Variants in DCC observed in about 807,000 individuals in gnomAD.
DCC encodes netrin receptor DCC.
In DCC, 58 loss-of-function variants were observed where a neutral mutation model predicts 172.5. The observed-to-expected ratio is 0.34, with a 90% CI of 0.27 to 0.42. The LOEUF (loss-of-function observed/expected upper bound fraction) is 0.42. DCC is among the 10% of genes least tolerant of loss of function. DCC has a pLI of 1.00. For missense variants in DCC, 1,740 were observed against 1,791.0 expected (o/e 0.97, Z 0.51); for synonymous variants, 709 against 644.5 (o/e 1.10, Z -1.52).
At chr18:53,351,786 C>G (rs1305572785) in intron 15 of DCC, among the ~76,000 whole-genome samples, 2 of 151,700 alleles carry the variant, frequency 1.3e-5, no homozygotes, top group African/African-American at 2.4e-5. Flanking sequence ...TAATTCCTCA[C>G]GTCAGTGTTT....
intron 3 of DCC, among the ~76,000 whole-genome samples, chr18:52,920,495 C>A (rs753436550): frequency 4.1e-4 from 62 of 151,618 alleles, no homozygotes; most frequent in South Asian, 8.3e-4. Context: ...TATTATATAC[C>A]ATTACACGTG....
intron 7 of DCC, among the ~76,000 whole-genome samples, chr18:53,152,083 A>G (rs2054650903): frequency 6.6e-6 from 1 of 152,196 alleles, no homozygotes; most frequent in Admixed American, 6.5e-5. Context: ...ATCTAGTTAC[A>G]TATTATTTTT....
At chr18:52,697,099 T>C (rs1439446475) in intron 1 of DCC, among the ~76,000 whole-genome samples, 1 of 152,166 alleles carries the variant, frequency 6.6e-6, no homozygotes, top group East Asian at 1.9e-4. Context: ...AAAACAGAGA[T>C]TTTTCTTTAC....
intron 12 of DCC, among the ~76,000 whole-genome samples, chr18:53,248,810 C>G (rs556207021): frequency 8.5e-5 from 13 of 152,112 alleles, no homozygotes; most frequent in African/African-American, 3.1e-4. Flanking sequence ...TATTATCCCC[C>G]AAGGATTGAC....
At chr18:53,353,281 A>G (rs917418566) in intron 15 of DCC, among the ~76,000 whole-genome samples, 3 of 137,848 alleles carry the variant, frequency 2.2e-5, no homozygotes, top group Non-Finnish European at 4.8e-5. Context: ...CTTGAGAGGA[A>G]AAAAAAAAAA....
intron 1 of DCC, among the ~76,000 whole-genome samples, chr18:52,646,308 T>C (rs1256519828): frequency 6.6e-6 from 1 of 152,218 alleles, no homozygotes; most frequent in Admixed American, 6.5e-5. Flanking sequence ...AAAAACATGC[T>C]TACAAGAGAA....
chr18:53,019,949 G>GAAAATGA (rs1419306172), intron 5 of DCC, among the ~76,000 whole-genome samples: 1 of 151,892 alleles, frequency 6.6e-6, no homozygotes, highest in African/African-American at 2.4e-5. Context: ...AGAGAAAATG[G>GAAAATGA]CATTTCCTGG....
At chr18:52,700,274 A>T (rs937118634) in intron 1 of DCC, among the ~76,000 whole-genome samples, 7 of 82,322 alleles carry the variant, frequency 8.5e-5, no homozygotes, top group African/African-American at 3.5e-4. Context: ...ACTCTTGTGC[A>T]CACATGCACA....
chr18:52,511,512 G>C (rs1160571588), intron 1 of DCC, among the ~76,000 whole-genome samples: 1 of 152,084 alleles, frequency 6.6e-6, no homozygotes, highest in Non-Finnish European at 1.5e-5. Context: ...TACTCCCCAG[G>C]GACAGTTGGC....
chr18:53,236,182 G>C (rs2056200237), intron 12 of DCC, among the ~76,000 whole-genome samples: 1 of 152,060 alleles, frequency 6.6e-6, no homozygotes, highest in South Asian at 2.1e-4. Context: ...ATAACATTTT[G>C]TATTCGCAAC....
intron 1 of DCC, among the ~76,000 whole-genome samples, chr18:52,668,342 A>G (rs1264860403): frequency 6.6e-6 from 1 of 152,246 alleles, no homozygotes; most frequent in Non-Finnish European, 1.5e-5. Context: ...ATAAGATTTT[A>G]GATTTTAAAG....
At chr18:53,420,767 T>C (rs772529476) in intron 21 of DCC, among the ~76,000 whole-genome samples, 1 of 152,178 alleles carries the variant, frequency 6.6e-6, no homozygotes, top group Non-Finnish European at 1.5e-5. Flanking sequence ...GGTTAGAGAT[T>C]CAATATACAC....
chr18:52,718,227 T>TA (rs5824955), intron 1 of DCC, among the ~76,000 whole-genome samples: 140,546 of 152,158 alleles, frequency 0.92, 65,372 homozygotes, highest in East Asian at 1. Flanking sequence ...AAGAAGGTGC[T>TA]AAAAAAATTA....
intron 14 of DCC, among the ~76,000 whole-genome samples, chr18:53,327,237 G>T (rs2057477315): frequency 2.0e-5 from 3 of 152,030 alleles, no homozygotes; most frequent in Admixed American, 6.6e-5. Flanking sequence ...GCGTTCCCTG[G>T]AAAGCACGTT....
intron 7 of DCC, among the ~76,000 whole-genome samples, chr18:53,098,291 T>C (rs1599131757): frequency 6.6e-6 from 1 of 152,156 alleles, no homozygotes; most frequent in Admixed American, 6.6e-5. Flanking sequence ...AATTCTTATG[T>C]TCTCTTTTTA....
intron 1 of DCC, among the ~76,000 whole-genome samples, chr18:52,557,545 A>G (rs1174249045): frequency 6.6e-6 from 1 of 152,260 alleles, no homozygotes; most frequent in African/African-American, 2.4e-5. Context: ...CTATTGATAT[A>G]CTACTTTCAA....
At chr18:52,961,845 C>T (rs1006968723) in intron 5 of DCC, among the ~76,000 whole-genome samples, 14 of 152,180 alleles carry the variant, frequency 9.2e-5, no homozygotes, top group Admixed American at 4.6e-4. Context: ...CTGAGAAAAA[C>T]AAGCAATGGG....
At chr18:53,505,452 G>A (rs2144496588) in intron 27 of DCC, 1 of 152,322 alleles carries the variant, frequency 6.6e-6, no homozygotes, top group East Asian at 1.9e-4. Flanking sequence ...AAACTGAACA[G>A]CTAGTATTTT....
chr18:52,415,689 T>C (rs1315193250), intron 1 of DCC, among the ~76,000 whole-genome samples: 2 of 152,010 alleles, frequency 1.3e-5, no homozygotes, highest in African/African-American at 2.4e-5. Flanking sequence ...AGAAGTGAAC[T>C]GGCAGTGGGG....
Sources: gnomAD v4.1 joint callset for allele counts (sites outside exome capture counted in the v4.1 genomes callset) on GRCh38, gnomAD v4.1.1 for gene constraint, MANE v1.5 for transcripts, NCBI Gene and HGNC (gene_info 2026-07-23, HGNC 2026-07-21) for gene names.